The following AGAP1 variants were observed in gnomAD, a reference collection of about 807,000 sequenced individuals.
AGAP1 encodes the protein arf-GAP with GTPase, ANK repeat and PH domain-containing protein 1.
Under a neutral mutation model 105.3 loss-of-function variants are expected in AGAP1, and 29 were observed. The observed-to-expected ratio is 0.28, with a 90% CI of 0.21 to 0.38. The LOEUF is 0.38. AGAP1 is among the 10% of genes least tolerant of loss of function. The probability of loss-of-function intolerance (pLI) is 1.00; values close to 1 mark genes in which losing one functional copy is unlikely to be tolerated. For missense variants in AGAP1, 998 were observed against 1,165.1 expected, an observed-to-expected ratio of 0.86 and a Z score of 2.09; for synonymous variants, 509 against 485.9, an observed-to-expected ratio of 1.05 and a Z score of -0.63.
In AGAP1 at chr2:236,055,425, C is replaced by G. The variant is rs954534082; in HGVS notation, c.2114+6144C>G. ...CTGTGCTCTGTGAGCCTCGTCTCTT[C>G]CAATATAAATTATCATGTGAACGCT... is the stretch of plus-strand genomic sequence containing the variant. On this transcript the variant is annotated intron_variant, in intron 16 of 17. Transcript: ENST00000304032. The surrounding 1 kb of genome is among the most constrained non-coding windows in gnomAD (Gnocchi z 6.2). Among the ~76,000 whole-genome samples the G allele has an allele frequency of 2.0e-5, 3 of 152,214 alleles. No homozygotes were observed. Among genetic ancestry groups the G allele is most frequent in the African/African-American group, 7.2e-5 (3 of 41,456 alleles).
Position 235,729,470 on chromosome 2 carries a change from A to AC in AGAP1, c.311-11488dup, listed in dbSNP as rs1951825428. Among the ~76,000 whole-genome samples, 1 of 150,874 alleles carries AC rather than the reference A, an allele frequency of 6.6e-6. No homozygotes were observed. Among genetic ancestry groups the AC allele is most frequent in the Admixed American group, 6.6e-5 (1 of 15,154 alleles). ...GGTCAGCTCAGCCTGAGAGCCAGTG[A>AC]CCCCCTCCCCCAGGAGGATGCTGTA... On this transcript the variant is annotated intron_variant, in intron 3 of 17. Transcript: ENST00000304032. The surrounding 1 kb of genome is among the most constrained non-coding windows in gnomAD (Gnocchi z 5.0).
rs1952162594 is a variant in AGAP1, at chr2:235,734,970, GAGGGC to G, written c.311-5992_311-5988del. Among the ~76,000 whole-genome samples the G allele has an allele frequency of 8.0e-6, 1 of 124,614 alleles. No homozygotes were observed. Among genetic ancestry groups the G allele is most frequent in the Non-Finnish European group, 2.0e-5 (1 of 50,720 alleles). The allele number at this position is 124,614 out of a possible 152,430, so 81.8% of individuals were successfully genotyped here. A position where few individuals can be genotyped will look rare whatever the true frequency, so the allele number is the denominator to read the frequency against. ...TGATGTTTGCGTCATAAGATGGGGT[GAGGGC>G]TAACGGAGATGATGTGGGAAAACAA... On this transcript the variant is annotated intron_variant, in intron 3 of 17. Coordinates refer to ENST00000304032, the MANE Select transcript of AGAP1 (RefSeq NM_001037131.3). This position sits in a 1 kb window ranked among gnomAD's most constrained non-coding sequence, Gnocchi z 5.3.
At chr2:235,898,423 A>G (rs1450824301) in intron 10 of AGAP1, among the ~76,000 whole-genome samples, 1 of 151,718 alleles carries the variant, frequency 6.6e-6, no homozygotes, top group African/African-American at 2.4e-5. Context: ...AGGTGGGGGA[A>G]GAGAAGGAGG....
intron 12 of AGAP1, among the ~76,000 whole-genome samples, chr2:235,950,772 G>A (rs2053699334): frequency 1.3e-5 from 2 of 151,930 alleles, no homozygotes; most frequent in Non-Finnish European, 2.9e-5. Flanking sequence ...TTATTTTAAA[G>A]CAATTTTCCC....
At position 235,999,485 on chromosome 2, in the gene AGAP1, G is replaced by C. The variant is rs1028389616; in HGVS notation, c.1645+30862G>C. On this transcript the variant is annotated intron_variant, in intron 13 of 17. Coordinates refer to ENST00000304032, the MANE Select transcript of AGAP1 (RefSeq NM_001037131.3). ...GGTAGTAGTGATTGTGGTGACGATG[G>C]TGAGAGGTGGTGGTGGTAGTGGTGA... Among the ~76,000 whole-genome samples, 41 of 147,612 alleles carry C rather than the reference G, an allele frequency of 2.8e-4. 1 individual carries two copies. The highest frequency in any genetic ancestry group is 1.8e-4 in the Non-Finnish European group (12 of 66,174).
At position 235,901,154 on chromosome 2, in the gene AGAP1, G is replaced by A. The variant is rs1004772702; in HGVS notation, c.1156-7584G>A. On this transcript the variant is annotated intron_variant, in intron 10 of 17. Transcript: ENST00000304032. This position sits in a 1 kb window ranked among gnomAD's most constrained non-coding sequence, Gnocchi z 4.3. Reference sequence around the variant, plus strand: ...TGTTTATTATTCATAAATGTGGGATGTGAACGTTTGCTTGATCTTTTTGAA... The same window carrying A: ...TGTTTATTATTCATAAATGTGGGATATGAACGTTTGCTTGATCTTTTTGAA... Among the ~76,000 whole-genome samples the A allele has an allele frequency of 1.3e-5, 2 of 152,200 alleles. No individual in the cohort carries two copies. The highest frequency in any genetic ancestry group is 4.8e-5 in the African/African-American group (2 of 41,446).
At chr2:236,013,314 A>G (rs2056581415) in intron 13 of AGAP1, among the ~76,000 whole-genome samples, 1 of 152,212 alleles carries the variant, frequency 6.6e-6, no homozygotes, top group African/African-American at 2.4e-5. Context: ...AACTCATCCC[A>G]GGCGCCTAGT....
intron 16 of AGAP1, among the ~76,000 whole-genome samples, chr2:236,054,012 G>A (rs569860381): frequency 3.3e-5 from 5 of 152,170 alleles, no homozygotes; most frequent in East Asian, 1.9e-4. Flanking sequence ...TGTCGCCTTC[G>A]ATAGGAAGAT....
chr2:235,786,920 C>A (rs547028060), intron 6 of AGAP1, among the ~76,000 whole-genome samples: 16 of 152,246 alleles, frequency 1.1e-4, no homozygotes, highest in Admixed American at 6.5e-5. Context: ...CTCTCTTCCC[C>A]GCTTGTTCTG....
chr2:235,527,937 A>G (rs933072227), intron 1 of AGAP1, among the ~76,000 whole-genome samples: 2 of 152,204 alleles, frequency 1.3e-5, no homozygotes, highest in African/African-American at 4.8e-5. Context: ...TCTTCACCAA[A>G]TTCTGTCTGT....
In AGAP1 at chr2:235,904,514, G is replaced by T. The variant is rs552025373; in HGVS notation, c.1156-4224G>T. On this transcript the variant is annotated intron_variant, in intron 10 of 17. Coordinates refer to ENST00000304032, the MANE Select transcript of AGAP1 (RefSeq NM_001037131.3). The surrounding 1 kb of genome is among the most constrained non-coding windows in gnomAD (Gnocchi z 4.2). The stretch of plus-strand genomic sequence containing the variant: ...GTGCTGTTTAAAAGTACTTGGCTTT[G>T]AATTACCCTCACGCCTTGTTAAAGG... 6.6e-6 allele frequency among the ~76,000 whole-genome samples: 1 copy of T among 152,310 alleles called. No individual in the cohort carries two copies. The highest frequency in any genetic ancestry group is 2.4e-5 in the African/African-American group (1 of 41,578).
chr2:235,933,229 A>G (rs1215581798), intron 12 of AGAP1, among the ~76,000 whole-genome samples: 1 of 152,152 alleles, frequency 6.6e-6, no homozygotes, highest in Admixed American at 6.5e-5. Flanking sequence ...TTTGTGCAAA[A>G]CAGCAGGAGG....
At position 236,129,640 on chromosome 2, in the gene AGAP1, CA is replaced by C. The variant is rs1173505390; in HGVS notation, c.*5522del. The C allele has an allele frequency of 6.6e-6, 1 of 152,178 alleles. No homozygotes were observed. Among genetic ancestry groups the C allele is most frequent in the Non-Finnish European group, 1.5e-5 (1 of 68,028 alleles). The allele number at this position is 152,178 out of a possible 1,614,324, so 9.4% of individuals were successfully genotyped here. A position where few individuals can be genotyped will look rare whatever the true frequency, so the allele number is the denominator to read the frequency against. On this transcript the variant is annotated 3_prime_UTR_variant, in exon 18 of 18. Coordinates refer to ENST00000304032, the MANE Select transcript of AGAP1 (RefSeq NM_001037131.3). The surrounding 1 kb of genome is among the most constrained non-coding windows in gnomAD (Gnocchi z 6.2). ...AATATTTACTTAGATATTACTGTTTCAAAACACAAACTTTATTCCCCTTAGA... is the reference window on the plus strand; with the variant it reads ...AATATTTACTTAGATATTACTGTTTCAAACACAAACTTTATTCCCCTTAGA...
Position 235,893,011 on chromosome 2 carries a change from C to A in AGAP1, c.1155+9562C>A, listed in dbSNP as rs543868180. On this transcript the variant is annotated intron_variant, in intron 10 of 17. Coordinates refer to ENST00000304032, the MANE Select transcript of AGAP1 (RefSeq NM_001037131.3). The surrounding 1 kb of genome is among the most constrained non-coding windows in gnomAD (Gnocchi z 4.7). ...CAGAAGGCGTGATTCATCTTAAGATCAAAAATTATTTCATCTTGCTTTCTT... is the reference window on the plus strand; with the variant it reads ...CAGAAGGCGTGATTCATCTTAAGATAAAAAATTATTTCATCTTGCTTTCTT... Among the ~76,000 whole-genome samples, 13 of 152,284 alleles carry A rather than the reference C, an allele frequency of 8.5e-5. No individual in the cohort carries two copies. Among genetic ancestry groups the A allele is most frequent in the African/African-American group, 3.1e-4 (13 of 41,558 alleles).
In AGAP1 at chr2:235,723,674, A is replaced by G. The variant is rs1396376607; in HGVS notation, c.310+6030A>G. On this transcript the variant is annotated intron_variant, in intron 3 of 17. Coordinates refer to ENST00000304032, the MANE Select transcript of AGAP1 (RefSeq NM_001037131.3). The surrounding 1 kb of genome is among the most constrained non-coding windows in gnomAD (Gnocchi z 6.2). ...AGCTGAAAGCCAGCACCACGCTGAGATCGTGGCACACCTGAGGAGGGCAGA... is the reference window on the plus strand; with the variant it reads ...AGCTGAAAGCCAGCACCACGCTGAGGTCGTGGCACACCTGAGGAGGGCAGA... Among the ~76,000 whole-genome samples the G allele has an allele frequency of 6.6e-6, 1 of 152,188 alleles. No individual in the cohort carries two copies. The highest frequency in any genetic ancestry group is 1.9e-4 in the East Asian group (1 of 5,180).
intron 1 of AGAP1, among the ~76,000 whole-genome samples, chr2:235,534,581 G>C (rs1943148752): frequency 6.6e-6 from 1 of 152,280 alleles, no homozygotes; most frequent in East Asian, 1.9e-4. Context: ...CCTTTGATCA[G>C]TGCTTCAAGC....
intron 3 of AGAP1, among the ~76,000 whole-genome samples, chr2:235,735,286 TCCCAAAA>T (rs1952184263): frequency 6.6e-6 from 1 of 152,182 alleles, no homozygotes; most frequent in Non-Finnish European, 1.5e-5. Context: ...CAATGTTGAC[TCCCAAAA>T]GGGCCCTTTT....
Position 235,517,891 on chromosome 2 carries a change from C to T in AGAP1, c.163+23042C>T, listed in dbSNP as rs56178155. ...AGTGTTGGAGTGAGCCAAGATTGTG[C>T]CTCTGCACTCCAGCCTGGGTGACAG... On this transcript the variant is annotated intron_variant, in intron 1 of 17. Transcript: ENST00000304032. The surrounding 1 kb of genome is among the most constrained non-coding windows in gnomAD (Gnocchi z 4.1). 8.6e-3 allele frequency among the ~76,000 whole-genome samples: 1,282 copies of T among 148,568 alleles called. 23 individuals carry two copies. Among genetic ancestry groups the T allele is most frequent in the African/African-American group, 0.031 (1,222 of 40,034 alleles).
intron 1 of AGAP1, among the ~76,000 whole-genome samples, chr2:235,592,692 C>T (rs1945388750): frequency 6.6e-6 from 1 of 152,042 alleles, no homozygotes; most frequent in Non-Finnish European, 1.5e-5. Context: ...CTGGATGTCG[C>T]ACATGGAGAT....
Sources: allele counts gnomAD v4.1 joint callset (sites outside exome capture counted in the v4.1 genomes callset), GRCh38; gene constraint gnomAD v4.1.1; non-coding constraint Gnocchi (gnomAD v3.1); transcripts MANE v1.5; gene names NCBI Gene and HGNC (gene_info 2026-07-23, HGNC 2026-07-21).